RPL39: variants seen among roughly 807,000 people sequenced by gnomAD.
The protein encoded by RPL39 is ribosomal protein L39, also known as large ribosomal subunit protein eL39.
For synonymous variants in RPL39, 8 were observed against 11.4 expected, an observed-to-expected ratio of 0.70 and a Z score of 0.60; for missense variants, 6 against 37.2, an observed-to-expected ratio of 0.16 and a Z score of 2.18.
Position 119,791,623 on chromosome X carries a change from G to A in RPL39, c.-47C>T, listed in dbSNP as rs371292848. 62 of 1,141,653 alleles carry A rather than the reference G, an allele frequency of 5.4e-5. 1 individual carries two copies. The highest frequency in any genetic ancestry group is 1.1e-4 in the South Asian group (5 of 47,400). 94.1% of individuals were successfully genotyped at this position (1,141,653 alleles called of 1,213,427 possible). A position where few individuals can be genotyped will look rare whatever the true frequency, so the allele number is the denominator to read the frequency against. ...CACACCACGATGGCGGAGAAAGGAA[G>A]AGGAGGGAAGCTGGCGGAAGAACGA... On this transcript the variant is annotated 5_prime_UTR_variant, in exon 1 of 3. Coordinates refer to ENST00000361575, the MANE Select transcript of RPL39 (RefSeq NM_001000.4).
chrX:119,789,556 C>CAAAACAAAAACAAAAACAAAAACA (rs781553054), intron 2 of RPL39, among the ~76,000 whole-genome samples: 1 of 84,521 alleles, frequency 1.2e-5, no homozygotes, highest in African/African-American at 4.4e-5. Context: ...GACTCCGTCT[C>CAAAACAAAAACAAAAACAAAAACA]AAAACAAAAA....
chrX:119,790,112 C>T, intron 1 of RPL39, 101 bp from the exon 2 acceptor site: 1 of 475,217 alleles, frequency 2.1e-6, no homozygotes, highest in Non-Finnish European at 3.7e-6. Context: ...TTAACACATA[C>T]CCCAGCCCCA....
At chrX:119,789,556 C>CAAAACAAAAACA (rs781553054) in intron 2 of RPL39, among the ~76,000 whole-genome samples, 8 of 84,561 alleles carry the variant, frequency 9.5e-5, no homozygotes, top group African/African-American at 3.0e-4. Flanking sequence ...GACTCCGTCT[C>CAAAACAAAAACA]AAAACAAAAA....
intron 1 of RPL39, chrX:119,790,475 CA>C (rs2055693520): frequency 8.6e-6 from 1 of 115,686 alleles, no homozygotes; most frequent in Non-Finnish European, 1.8e-5. Flanking sequence ...CTTTGTAAAA[CA>C]GGGGTACGTA....
At position 119,791,432 on chromosome X, in the gene RPL39, C is replaced by G. The variant is rs760574660; in HGVS notation, c.3+142G>C. 5 of 523,043 alleles carry G rather than the reference C, an allele frequency of 9.6e-6. No individual in the cohort carries two copies. The South Asian group carries it at 3.8e-4, about 40-fold the overall frequency. The allele number at this position is 523,043 out of a possible 1,213,427, so 43.1% of individuals were successfully genotyped here. ...CTTCCCTCCAGGCCACGAAAGACAA[C>G]AGTGGCCGAACTGGATATTTTCTTG... On this transcript the variant is annotated intron_variant, in intron 1 of 2. Transcript: ENST00000361575.
At chrX:119,788,176 C>T (rs2055678236) in intron 2 of RPL39, among the ~76,000 whole-genome samples, 1 of 111,641 alleles carries the variant, frequency 9.0e-6, no homozygotes, top group African/African-American at 3.3e-5. Flanking sequence ...CAACTTTAGC[C>T]CTAAGAAGCC....
At chrX:119,790,484 G>A (rs767443972) in intron 1 of RPL39, 6 of 114,155 alleles carry the variant, frequency 5.3e-5, no homozygotes, top group South Asian at 6.9e-4. Flanking sequence ...ACAGGGGTAC[G>A]TACTTTTCAA....
chrX:119,787,567 A>C (rs73214964), intron 2 of RPL39: 132,194 of 323,626 alleles, frequency 0.41, 18,474 homozygotes, highest in Non-Finnish European at 0.48. Flanking sequence ...AGGGTATATA[A>C]TCTTACGTAC....
At chrX:119,789,220 T>A (rs899237514) in intron 2 of RPL39, among the ~76,000 whole-genome samples, 1 of 110,767 alleles carries the variant, frequency 9.0e-6, no homozygotes, top group Admixed American at 9.7e-5. Flanking sequence ...AGGGAGATAG[T>A]GTCAACGCAG....
intron 2 of RPL39, among the ~76,000 whole-genome samples, 160 bp downstream of exon 2, chrX:119,789,748 A>C (rs1292737214): frequency 8.9e-6 from 1 of 112,247 alleles, no homozygotes; most frequent in Non-Finnish European, 1.9e-5. Flanking sequence ...GTGCAGAAAC[A>C]AAGGAAGTAC....
At chrX:119,790,966 G>T (rs2055697031) in intron 1 of RPL39, 1 of 115,940 alleles carries the variant, frequency 8.6e-6, no homozygotes, top group Non-Finnish European at 1.9e-5. Context: ...ACATTTCCCA[G>T]TAAAGAGTGA....
chrX:119,789,163 G>A (rs756698500), intron 2 of RPL39, among the ~76,000 whole-genome samples: 3 of 111,392 alleles, frequency 2.7e-5, no homozygotes, highest in Non-Finnish European at 5.6e-5. Context: ...TACTCAGAGA[G>A]ATGAGGTGGG....
At chrX:119,786,779 G>A (rs776346772) in intron 2 of RPL39, 47 bp from the exon 3 acceptor site, 3 of 1,026,228 alleles carry the variant, frequency 2.9e-6, no homozygotes, top group South Asian at 3.9e-5. Context: ...TGACAGCAAT[G>A]TAGCTGTTCC....
chrX:119,789,414 G>A (rs980980185), intron 2 of RPL39, among the ~76,000 whole-genome samples: 14 of 111,585 alleles, frequency 1.3e-4, no homozygotes, highest in African/African-American at 3.9e-4. Context: ...AAACTTAGCT[G>A]GGCGTGGTGA....
rs771640131 is a variant in RPL39, at chrX:119,791,611, C to A, written c.-35G>T. On this transcript the variant is annotated 5_prime_UTR_variant, in exon 1 of 3. Coordinates refer to ENST00000361575, the MANE Select transcript of RPL39 (RefSeq NM_001000.4). The stretch of plus-strand genomic sequence containing the variant: ...CGGAGTCAAGAACACACCACGATGG[C>A]GGAGAAAGGAAGAGGAGGGAAGCTG... The A allele has an allele frequency of 8.6e-7, 1 of 1,159,626 alleles. No homozygotes were observed. Among genetic ancestry groups the A allele is most frequent in the East Asian group, 3.3e-5 (1 of 30,704 alleles).
At chrX:119,789,198 G>A (rs772413092) in intron 2 of RPL39, among the ~76,000 whole-genome samples, 2 of 111,487 alleles carry the variant, frequency 1.8e-5, no homozygotes, top group East Asian at 5.7e-4. Flanking sequence ...CTGGTAGGTA[G>A]GGAGAGGTTG....
intron 2 of RPL39, among the ~76,000 whole-genome samples, chrX:119,789,253 T>C (rs1738568536): frequency 9.0e-6 from 1 of 111,265 alleles, no homozygotes; most frequent in Non-Finnish European, 1.9e-5. Flanking sequence ...AACAAGATCC[T>C]GTCTCAAAAA....
At chrX:119,788,809 G>A (rs73214967) in intron 2 of RPL39, among the ~76,000 whole-genome samples, 37,610 of 111,271 alleles carry the variant, frequency 0.34, 5,417 homozygotes, top group Non-Finnish European at 0.46. Context: ...AAAAAGCCAT[G>A]CAGGAGACTG....
At chrX:119,790,225 G>A in intron 1 of RPL39, 2 of 342,978 alleles carry the variant, frequency 5.8e-6, no homozygotes, top group Non-Finnish European at 1.0e-5. Context: ...AAAATAAGTG[G>A]AATCCGGTTA....
Sources: allele counts gnomAD v4.1 joint callset (sites outside exome capture counted in the v4.1 genomes callset), GRCh38; gene constraint gnomAD v4.1.1; transcripts MANE v1.5; gene names NCBI Gene and HGNC (gene_info 2026-07-23, HGNC 2026-07-21).